The following WNT2B variants were observed in gnomAD, a reference collection of about 807,000 sequenced individuals.
The protein encoded by WNT2B is protein Wnt-2b.
In WNT2B, 19 loss-of-function variants were observed where a neutral mutation model predicts 40.5. The observed-to-expected ratio is 0.47, with a 90% CI of 0.33 to 0.69. WNT2B has a LOEUF of 0.69. WNT2B is among the 30% of genes least tolerant of loss of function. The pLI is 0.02. For missense variants in WNT2B, 467 were observed against 556.4 expected (o/e 0.84, Z 1.62); for synonymous variants, 220 against 211.9 (o/e 1.04, Z -0.33).
rs746221048 is a variant in WNT2B at position 112,517,350 on chromosome 1, A to G, written c.911A>G (p.Asn304Ser). The G allele has an allele frequency of 2.5e-6, 4 of 1,610,862 alleles. No individual in the cohort carries two copies. Among genetic ancestry groups the G allele is most frequent in the South Asian group, 2.2e-5 (2 of 90,964 alleles). Residue 304 changes from asparagine to serine, a missense_variant, in exon 4 of 5, where the codon AAC (asparagine) becomes AGC (serine). This residue lies in a region of WNT2B where 330 missense variants were observed against 438.6 expected (regional missense o/e 0.75). Transcript: ENST00000369684. ...ATRTDLVYFDNSPDYCVLDKA... is the reference protein window; with the variant it reads ...ATRTDLVYFDSSPDYCVLDKA... Reference sequence around the variant, plus strand: ...CGGACTGATCTTGTCTACTTTGACAACTCTCCAGATTACTGTGTCTTGGAC... The same window carrying G: ...CGGACTGATCTTGTCTACTTTGACAGCTCTCCAGATTACTGTGTCTTGGAC...
chr1:112,470,772 A>G (rs1481900738), intron 1 of WNT2B, among the ~76,000 whole-genome samples: 2 of 146,636 alleles, frequency 1.4e-5, no homozygotes, highest in Non-Finnish European at 3.0e-5. Flanking sequence ...CAACTGCTGC[A>G]TTTGTGTGGG....
intron 1 of WNT2B, among the ~76,000 whole-genome samples, chr1:112,500,184 T>C (rs1029216533): frequency 4.6e-5 from 7 of 152,342 alleles, no homozygotes; most frequent in South Asian, 4.1e-4. Context: ...TATTTGTTCA[T>C]GTTTCCCTCG....
intron 1 of WNT2B, among the ~76,000 whole-genome samples, chr1:112,490,559 A>T (rs374292661): frequency 2.0e-5 from 3 of 149,238 alleles, no homozygotes; most frequent in East Asian, 2.0e-4. Flanking sequence ...GCAGGATCTC[A>T]GCTCACTGCA....
intron 1 of WNT2B, among the ~76,000 whole-genome samples, chr1:112,490,742 G>C (rs1212524165): frequency 1.3e-5 from 2 of 152,092 alleles, no homozygotes; most frequent in African/African-American, 2.4e-5. Flanking sequence ...GCCCACCTCA[G>C]CCTCCCAAAG....
chr1:112,494,690 C>G (rs1201111256), intron 1 of WNT2B, among the ~76,000 whole-genome samples: 1 of 151,556 alleles, frequency 6.6e-6, no homozygotes, highest in East Asian at 1.9e-4. Context: ...GAAGTAAACA[C>G]TGTCTCAGAC....
intron 1 of WNT2B, among the ~76,000 whole-genome samples, chr1:112,485,486 C>T (rs965982822): frequency 6.7e-6 from 1 of 149,490 alleles, no homozygotes; most frequent in African/African-American, 2.5e-5. Flanking sequence ...AGGTTATGGT[C>T]ATGAAGACTA....
At chr1:112,491,149 CCTGTAATCCCAGCA>C in intron 1 of WNT2B, 1 of 1,469,872 alleles carries the variant, frequency 6.8e-7, no homozygotes, top group Non-Finnish European at 9.4e-7. Context: ...GTGGCTCGTG[CCTGTAATCCCAGCA>C]CTTTCAGAGG....
chr1:112,508,952 G>A, upstream of WNT2B: 3 of 1,165,638 alleles, frequency 2.6e-6, no homozygotes, highest in South Asian at 3.6e-5. This position sits in a 1 kb window ranked among gnomAD's most constrained non-coding sequence, Gnocchi z 4.2. Flanking sequence ...GCCCGCGGCC[G>A]AAGGGGCTGT....
chr1:112,492,454 A>T (rs567088374), intron 1 of WNT2B, among the ~76,000 whole-genome samples: 11 of 152,222 alleles, frequency 7.2e-5, no homozygotes, highest in Non-Finnish European at 1.5e-4. Context: ...AACTCTGAGA[A>T]TTAAAAACTC....
intron 1 of WNT2B, among the ~76,000 whole-genome samples, chr1:112,513,176 G>A (rs1213483613): frequency 6.6e-6 from 1 of 152,092 alleles, no homozygotes; most frequent in Non-Finnish European, 1.5e-5. Context: ...GCTGAACTAG[G>A]GAAGCTGAAC....
intron 1 of WNT2B, among the ~76,000 whole-genome samples, chr1:112,514,195 G>A (rs1031957738): frequency 6.6e-6 from 1 of 152,188 alleles, no homozygotes; most frequent in African/African-American, 2.4e-5. Flanking sequence ...ATCCAGGTTG[G>A]GGAAGATGGT....
In WNT2B at chr1:112,528,470, G is replaced by A. The variant is rs1653810807; in HGVS notation, c.*7961G>A. On this transcript the variant is annotated 3_prime_UTR_variant, in exon 5 of 5. Coordinates refer to ENST00000369684, the MANE Select transcript of WNT2B (RefSeq NM_024494.3). ...GGCACCTATGGAAAAGCACAAGGAT[G>A]AGTCCATTTGTTACAGACCCAGGGA... 6 of 151,774 alleles carry A rather than the reference G, an allele frequency of 4.0e-5. 1 individual carries two copies. The South Asian group carries it at 1.3e-3, about 32-fold the overall frequency. 9.4% of individuals were successfully genotyped at this position (151,774 alleles called of 1,614,324 possible).
At position 112,514,825 on chromosome 1, in the gene WNT2B, T is replaced by C. The variant is rs759529307; in HGVS notation, c.183-49T>C. 6.7e-5 allele frequency: 106 copies of C among 1,583,802 alleles called. No individual in the cohort carries two copies. In the Admixed American group the frequency reaches 1.7e-3, roughly 26 times the overall value. On this transcript the variant is annotated intron_variant, in intron 1 of 4. Transcript: ENST00000369684. ...GTACCCCTTCCTTATTCCCTCCCAA[T>C]GCAGAAAAAGGTCTGGGATGTTCTG...
intron 1 of WNT2B, among the ~76,000 whole-genome samples, chr1:112,483,491 A>G (rs1237897181): frequency 6.6e-6 from 1 of 152,182 alleles, no homozygotes; most frequent in Non-Finnish European, 1.5e-5. Flanking sequence ...AGGATTACAG[A>G]TCTAAGCTTA....
In WNT2B at chr1:112,495,503, G is replaced by A. The variant is rs181043227; in HGVS notation, c.-94-19371G>A. Among the ~76,000 whole-genome samples, 3 of 152,200 alleles carry A rather than the reference G, an allele frequency of 2.0e-5. No individual in the cohort carries two copies. In the East Asian group the frequency reaches 5.8e-4, roughly 29 times the overall value. On this transcript the variant is annotated intron_variant, in intron 1 of 4. Transcript: ENST00000256640. The stretch of plus-strand genomic sequence containing the variant: ...ACTAGGGAGGCTGAGGCAGGAGAAT[G>A]GCGTGAACCCAGAAGGCGGAGCTTG...
intron 1 of WNT2B, among the ~76,000 whole-genome samples, chr1:112,513,760 C>G (rs1652434678): frequency 6.6e-6 from 1 of 152,170 alleles, no homozygotes; most frequent in African/African-American, 2.4e-5. Flanking sequence ...GAGGGCAGCC[C>G]TTTGATGCGT....
intron 1 of WNT2B, among the ~76,000 whole-genome samples, chr1:112,510,801 C>A (rs1427909510): frequency 6.6e-6 from 1 of 151,918 alleles, no homozygotes; most frequent in Non-Finnish European, 1.5e-5. Context: ...TTGAAACATT[C>A]TTTTAGAAAG....
chr1:112,516,280 G>A lies in WNT2B; in HGVS notation c.544G>A (p.Asp182Asn), dbSNP rs147459875. The A allele has an allele frequency of 1.1e-4, 176 of 1,614,012 alleles. No individual in the cohort carries two copies. The highest frequency in any genetic ancestry group is 1.4e-4 in the Non-Finnish European group (170 of 1,180,054). Residue 182 changes from aspartate to asparagine, a missense_variant, in exon 3 of 5, where the codon GAC becomes AAC. Around this residue, in one of 2 missense-constraint regions of WNT2B, gnomAD observed 330 missense variants for 438.6 expected, o/e 0.75. Transcript: ENST00000369684. ...TGGCCGACACCATGACCAGCGTGGGGACTTTGACTGGGGTGGCTGCAGTGA... is the reference window on the plus strand; with the variant it reads ...TGGCCGACACCATGACCAGCGTGGGAACTTTGACTGGGGTGGCTGCAGTGA... ...TRGRHHDQRG[D>N]FDWGGCSDNI...
chr1:112,494,858 C>G (rs1216432206), intron 1 of WNT2B, among the ~76,000 whole-genome samples: 1 of 151,472 alleles, frequency 6.6e-6, no homozygotes, highest in Admixed American at 6.6e-5. Flanking sequence ...AAAACAAAAA[C>G]TTTTCATATT....
Sources: gnomAD v4.1 joint callset for allele counts (sites outside exome capture counted in the v4.1 genomes callset) on GRCh38, gnomAD v4.1.1 for gene constraint, gnomAD v4.1.1 regional missense constraint, Gnocchi (gnomAD v3.1) non-coding constraint, MANE v1.5 for transcripts, NCBI Gene and HGNC (gene_info 2026-07-23, HGNC 2026-07-21) for gene names.